Variants in ESRRB observed in about 807,000 individuals in gnomAD.
ESRRB encodes the protein estrogen related receptor beta.
In ESRRB, 16 loss-of-function variants were observed where a neutral mutation model predicts 46.0. That is an observed-to-expected ratio of 0.35 (90% CI 0.24 to 0.53). ESRRB has a LOEUF of 0.53. Ranked by LOEUF, ESRRB falls within the 20% of genes least tolerant of loss-of-function variation. ESRRB has a pLI of 0.93. For synonymous variants in ESRRB, 246 were observed against 259.6 expected (o/e 0.95, Z 0.50); for missense variants, 488 against 607.4 (o/e 0.80, Z 2.07).
At chr14:76,331,688 T>C (rs904187808) in intron 1 of ESRRB, among the ~76,000 whole-genome samples, 9 of 151,892 alleles carry the variant, frequency 5.9e-5, no homozygotes, top group African/African-American at 2.2e-4. Context: ...AATTTGGAGA[T>C]CTCGACATCA....
intron 1 of ESRRB, among the ~76,000 whole-genome samples, chr14:76,330,133 C>T (rs1883995365): frequency 6.6e-6 from 1 of 152,014 alleles, no homozygotes; most frequent in Admixed American, 6.6e-5. Flanking sequence ...TGTACCCATT[C>T]CCCACCGCAG....
rs1473793433 is a variant in ESRRB, at chr14:76,318,554, G to A, written c.2+7638G>A. Among the ~76,000 whole-genome samples, 7 of 152,130 alleles carry A rather than the reference G, an allele frequency of 4.6e-5. No homozygotes were observed. The East Asian group carries it at 1.3e-3, about 29-fold the overall frequency. On this transcript the variant is annotated intron_variant, in intron 1 of 6. Transcript: ENST00000512784. ...CTAGAGCCTTATCCACGTTGTAACA[G>A]TTGTGACCTTGGGCAACTGTCCCAG...
In ESRRB at chr14:76,404,456, T is replaced by C. The variant is rs953298160; in HGVS notation, c.50+28005T>C. The stretch of plus-strand genomic sequence containing the variant: ...CCTGCCAAAATGGTGTCCAGAACTT[T>C]GAGGTATCTAATAAATATTGTGAAT... On this transcript the variant is annotated intron_variant, in intron 1 of 6. Transcript: ENST00000644823. The C allele has an allele frequency of 1.3e-5, 2 of 152,160 alleles. No homozygotes were observed. The highest frequency in any genetic ancestry group is 2.9e-5 in the Non-Finnish European group (2 of 68,028). 9.4% of individuals were successfully genotyped at this position (152,160 alleles called of 1,614,324 possible).
intron 2 of ESRRB, among the ~76,000 whole-genome samples, chr14:76,445,047 C>T (rs966001356): frequency 1.3e-5 from 2 of 151,940 alleles, no homozygotes; most frequent in East Asian, 1.9e-4. Context: ...TGGCTCGTGC[C>T]TGTAATCCCT....
chr14:76,323,073 T>C (rs577103282), intron 1 of ESRRB, among the ~76,000 whole-genome samples: 2 of 152,248 alleles, frequency 1.3e-5, no homozygotes, highest in South Asian at 2.1e-4. Context: ...GGGGGGCGTC[T>C]GGGGGATGCT....
chr14:76,333,462 A>ATATTTATATATGATATATTTATATATG (rs1191662415), intron 1 of ESRRB, among the ~76,000 whole-genome samples: 1 of 85,466 alleles, frequency 1.2e-5, no homozygotes, highest in African/African-American at 4.0e-5. Context: ...TATCATATAT[A>ATATTTATATATGATATATTTATATATG]AATATATCAT....
At chr14:76,437,141 C>A (rs546602026) in intron 1 of ESRRB, among the ~76,000 whole-genome samples, 1 of 152,282 alleles carries the variant, frequency 6.6e-6, no homozygotes, top group South Asian at 2.1e-4. Flanking sequence ...AAGTGATTCT[C>A]GTGCTTCAGC....
In ESRRB at chr14:76,500,044, G is replaced by A. The variant is rs1890604100; in HGVS notation, c.*1586G>A. ...GAGAGAGGCAGGCAGATCTCACCCA[G>A]CACTAGGACACCAGGAGGCCAGGTA... On this transcript the variant is annotated 3_prime_UTR_variant, in exon 7 of 7. Coordinates refer to ENST00000644823, the MANE Select transcript of ESRRB (RefSeq NM_001379180.1). 1.9e-6 allele frequency: 3 copies of A among 1,553,430 alleles called. No homozygotes were observed. The highest frequency in any genetic ancestry group is 1.2e-5 in the South Asian group (1 of 84,228).
chr14:76,354,178 C>T (rs1024293668), intron 1 of ESRRB, among the ~76,000 whole-genome samples: 1 of 149,946 alleles, frequency 6.7e-6, no homozygotes, highest in Non-Finnish European at 1.5e-5. Context: ...ATCTGCTTGG[C>T]CAACTCCTCT....
upstream of ESRRB, among the ~76,000 whole-genome samples, chr14:76,374,174 T>C (rs971662439): frequency 5.3e-5 from 8 of 152,202 alleles, no homozygotes; most frequent in African/African-American, 1.7e-4. Flanking sequence ...GCAACTGTTA[T>C]GTATCAGGCA....
intron 3 of ESRRB, among the ~76,000 whole-genome samples, chr14:76,477,412 G>A (rs1889626373): frequency 6.6e-6 from 1 of 152,204 alleles, no homozygotes; most frequent in Non-Finnish European, 1.5e-5. Context: ...CCAGCCTACT[G>A]GAACTGCTTT....
Position 76,439,527 on chromosome 14 carries a change from G to C in ESRRB, c.237G>C (p.Ser79=). 6.2e-7 allele frequency: 1 copy of C among 1,613,426 alleles called. No homozygotes were observed. Among genetic ancestry groups the C allele is most frequent in the Non-Finnish European group, 8.5e-7 (1 of 1,179,962 alleles). The change falls in exon 2 of 7, where the codon TCG becomes TCC. Residue 79 remains serine, a synonymous_variant. Transcript: ENST00000644823. ...GCACCCACGCCAACGGTCTGGACTCGCCACCCATGTTTGCAGGCGCCGGGC... is the reference window on the plus strand; with the variant it reads ...GCACCCACGCCAACGGTCTGGACTCCCCACCCATGTTTGCAGGCGCCGGGC... The part of the protein sequence containing the change: ...ALGTHANGLD[S]PPMFAGAGLG...
intron 1 of ESRRB, among the ~76,000 whole-genome samples, chr14:76,395,478 GCAGGACCTTTGATGT>G: frequency 6.6e-6 from 1 of 152,262 alleles, no homozygotes; most frequent in African/African-American, 2.4e-5. Context: ...AGCAGAGCAA[GCAGGACCTTTGATGT>G]CAGACAGGTA....
intron 1 of ESRRB, among the ~76,000 whole-genome samples, chr14:76,437,502 C>T (rs1887723480): frequency 6.6e-6 from 1 of 152,204 alleles, no homozygotes; most frequent in Non-Finnish European, 1.5e-5. Context: ...CTCCCTGCCA[C>T]CCAAGAGTCG....
At chr14:76,481,908 C>A in intron 3 of ESRRB, 108 bp from the exon 4 acceptor site, 1 of 993,060 alleles carries the variant, frequency 1.0e-6, no homozygotes, top group South Asian at 1.4e-5. Flanking sequence ...GAAGGTCATC[C>A]GAGCAAGGCC....
intron 1 of ESRRB, among the ~76,000 whole-genome samples, chr14:76,426,261 T>G (rs1887198407): frequency 6.7e-6 from 1 of 148,944 alleles, no homozygotes; most frequent in African/African-American, 2.5e-5. Context: ...GGGGAGGGAG[T>G]GGAGTGGGGA....
At chr14:76,457,556 C>A (rs28398146) in intron 2 of ESRRB, among the ~76,000 whole-genome samples, 40,602 of 151,948 alleles carry the variant, frequency 0.27, 5,639 homozygotes, top group Middle Eastern at 0.32. Context: ...ATTGGACACT[C>A]CTACTGTAAG....
chr14:76,412,740 G>T (rs776664702), intron 1 of ESRRB, among the ~76,000 whole-genome samples: 8 of 152,198 alleles, frequency 5.3e-5, no homozygotes, highest in South Asian at 2.1e-4. Context: ...AGGATTAGCT[G>T]CGGGGTTCCT....
In ESRRB at chr14:76,499,084, T is replaced by C. The variant is rs900188729; in HGVS notation, c.*626T>C. 1.2e-5 allele frequency: 4 copies of C among 332,048 alleles called. No individual in the cohort carries two copies. The highest frequency in any genetic ancestry group is 2.4e-5 in the Non-Finnish European group (4 of 168,746). 20.6% of individuals were successfully genotyped at this position (332,048 alleles called of 1,614,324 possible). A position where few individuals can be genotyped will look rare whatever the true frequency, so the allele number is the denominator to read the frequency against. On this transcript the variant is annotated 3_prime_UTR_variant, in exon 7 of 7. Coordinates refer to ENST00000644823, the MANE Select transcript of ESRRB (RefSeq NM_001379180.1). Reference sequence around the variant, plus strand: ...AAGTGCTTCCTGGGCACCCCACCCCTCGGGGCCTACCCCCCTGCCTGTCAC... The same window carrying C: ...AAGTGCTTCCTGGGCACCCCACCCCCCGGGGCCTACCCCCCTGCCTGTCAC...
Sources: gnomAD v4.1 joint callset for allele counts (sites outside exome capture counted in the v4.1 genomes callset) on GRCh38, gnomAD v4.1.1 for gene constraint, MANE v1.5 for transcripts, NCBI Gene and HGNC (gene_info 2026-07-23, HGNC 2026-07-21) for gene names.